Variants in ZEB2 observed in about 807,000 individuals in gnomAD.
ZEB2 encodes zinc finger E-box binding homeobox 2.
Under a neutral mutation model 99.9 loss-of-function variants are expected in ZEB2, and 6 were observed. That is an observed-to-expected ratio of 0.06 (90% confidence interval 0.03 to 0.12). ZEB2 has a LOEUF of 0.12. ZEB2 is among the 10% of genes least tolerant of loss of function. The probability of loss-of-function intolerance (pLI) is 1.00; values close to 1 mark genes in which losing one functional copy is unlikely to be tolerated. For missense variants in ZEB2, 969 were observed against 1,502.8 expected (o/e 0.64, Z 5.87); for synonymous variants, 517 against 542.5 (o/e 0.95, Z 0.65).
rs34246797 is a variant in ZEB2 at position 144,431,745 on chromosome 2, C to CTT, written c.74-1721_74-1720dup. Among the ~76,000 whole-genome samples the CTT allele has an allele frequency of 4.5e-3, 636 of 142,602 alleles. 4 individuals are homozygous for CTT. Among genetic ancestry groups the CTT allele is most frequent in the African/African-American group, 0.011 (423 of 38,710 alleles). 93.6% of individuals were successfully genotyped at this position (142,602 alleles called of 152,430 possible). On this transcript the variant is annotated intron_variant, in intron 2 of 9. Transcript: ENST00000627532. ...CCTTAGTACAATCAATAATGTGCTT[C>CTT]TTTTTTTTTTTCCTGGTGACTGAGA... is the stretch of plus-strand genomic sequence containing the variant.
chr2:144,394,671 G>C (rs1703197660), intron 9 of ZEB2, among the ~76,000 whole-genome samples: 1 of 152,132 alleles, frequency 6.6e-6, no homozygotes, highest in East Asian at 1.9e-4. Flanking sequence ...AAAGCTGTTT[G>C]GATTTAGATT....
rs998152766 is a variant in ZEB2 at position 144,386,228 on chromosome 2, T to C, written c.*3223A>G. The stretch of plus-strand genomic sequence containing the variant: ...GTAGTTGATAAAACAGAAGAACACA[T>C]CTGATGTTACTAAAATGCACATCTC... On this transcript the variant is annotated 3_prime_UTR_variant, in exon 10 of 10. Coordinates refer to ENST00000627532, the MANE Select transcript of ZEB2 (RefSeq NM_014795.4). 1 of 152,148 alleles carries C rather than the reference T, an allele frequency of 6.6e-6. No individual in the cohort carries two copies. The highest frequency in any genetic ancestry group is 1.5e-5 in the Non-Finnish European group (1 of 68,002). 9.4% of individuals were successfully genotyped at this position (152,148 alleles called of 1,614,324 possible). A position where few individuals can be genotyped will look rare whatever the true frequency, so the allele number is the denominator to read the frequency against.
intron 2 of ZEB2, among the ~76,000 whole-genome samples, chr2:144,446,645 C>A (rs1212167893): frequency 6.6e-6 from 1 of 152,070 alleles, no homozygotes; most frequent in Non-Finnish European, 1.5e-5. Context: ...AGTCATTAAT[C>A]AATCTACTCT....
At chr2:144,450,800 C>T (rs10197368) in intron 2 of ZEB2, among the ~76,000 whole-genome samples, 66,670 of 151,982 alleles carry the variant, frequency 0.44, 16,776 homozygotes, top group East Asian at 0.6. Flanking sequence ...CTCAGCTTCC[C>T]GAGTAGCTGG....
At chr2:144,488,809 A>G (rs1704636189) in intron 2 of ZEB2, among the ~76,000 whole-genome samples, 1 of 152,090 alleles carries the variant, frequency 6.6e-6, no homozygotes, top group South Asian at 2.1e-4. Context: ...TAAAGTTTCT[A>G]AAGTGCCTGC....
chr2:144,508,777 T>C (rs1224458774), intron 2 of ZEB2, among the ~76,000 whole-genome samples: 3 of 152,004 alleles, frequency 2.0e-5, no homozygotes, highest in Non-Finnish European at 4.4e-5. Flanking sequence ...TGGCCTCTCA[T>C]AGCTTTTCAA....
chr2:144,451,186 T>C (rs1264631565), intron 2 of ZEB2, among the ~76,000 whole-genome samples: 1 of 152,236 alleles, frequency 6.6e-6, no homozygotes, highest in Non-Finnish European at 1.5e-5. Context: ...AGAGGTCCTA[T>C]AGAAGCTGTT....
intron 2 of ZEB2, among the ~76,000 whole-genome samples, chr2:144,435,513 TG>T (rs1703825477): frequency 6.6e-6 from 1 of 151,484 alleles, no homozygotes; most frequent in Non-Finnish European, 1.5e-5. Flanking sequence ...GTAGGAGGAT[TG>T]TTTGAGTTTG....
At chr2:144,459,883 A>T (rs984997885) in intron 2 of ZEB2, among the ~76,000 whole-genome samples, 2 of 152,178 alleles carry the variant, frequency 1.3e-5, no homozygotes, top group Admixed American at 6.6e-5. Context: ...ATTCTCTCAT[A>T]GAGGAAAACA....
intron 2 of ZEB2, among the ~76,000 whole-genome samples, chr2:144,472,876 C>A (rs553846963): frequency 6.6e-5 from 10 of 152,040 alleles, no homozygotes; most frequent in Non-Finnish European, 1.2e-4. Context: ...TAGGAGGTAG[C>A]TGGATGAAGA....
At chr2:144,483,346 C>T (rs1004904725) in intron 2 of ZEB2, among the ~76,000 whole-genome samples, 1 of 152,170 alleles carries the variant, frequency 6.6e-6, no homozygotes, top group Non-Finnish European at 1.5e-5. Context: ...CTCTGTCTAG[C>T]TCCTACAATT....
intron 4 of ZEB2, among the ~76,000 whole-genome samples, chr2:144,405,602 A>G (rs1274552080): frequency 6.6e-6 from 1 of 151,448 alleles, no homozygotes; most frequent in African/African-American, 2.4e-5. Context: ...ATAATAATGC[A>G]ACTTTGTTAA....
At chr2:144,427,167 T>A (rs1271117029) in intron 3 of ZEB2, 1 of 152,200 alleles carries the variant, frequency 6.6e-6, no homozygotes, top group Admixed American at 6.5e-5. Context: ...AGATGAAGAA[T>A]CCTTGAATAA....
At position 144,384,109 on chromosome 2, in the gene ZEB2, A is replaced by AT. The variant is rs1437523191; in HGVS notation, c.*5341dup. On this transcript the variant is annotated 3_prime_UTR_variant, in exon 10 of 10. Coordinates refer to ENST00000627532, the MANE Select transcript of ZEB2 (RefSeq NM_014795.4). ...TTTGTCATCACTTTAATCTTCATGT[A>AT]TTTTTTACTCATCATTTTCTTTGAC... is the stretch of plus-strand genomic sequence containing the variant. 2 of 152,122 alleles carry AT rather than the reference A, an allele frequency of 1.3e-5. No individual in the cohort carries two copies. The highest frequency in any genetic ancestry group is 2.4e-5 in the African/African-American group (1 of 41,440). The allele number at this position is 152,122 out of a possible 1,614,324, so 9.4% of individuals were successfully genotyped here.
intron 2 of ZEB2, among the ~76,000 whole-genome samples, chr2:144,458,492 G>A (rs1048261615): frequency 6.6e-6 from 1 of 151,902 alleles, no homozygotes; most frequent in African/African-American, 2.4e-5. Context: ...ATTCACCTTG[G>A]AATGATATAG....
rs566356766 is a variant in ZEB2 at position 144,469,371 on chromosome 2, C to T, written c.74-39345G>A. 3.3e-3 allele frequency among the ~76,000 whole-genome samples: 503 copies of T among 152,240 alleles called. 3 individuals are homozygous for T. Among genetic ancestry groups the T allele is most frequent in the African/African-American group, 0.012 (487 of 41,564 alleles). On this transcript the variant is annotated intron_variant, in intron 2 of 9. Transcript: ENST00000627532. ...ACTAACACACTGCCTTCGTAGAGCA[C>T]GCAAAGATGTATCCAGCTTCATTTT...
chr2:144,460,617 A>G (rs1383033918), intron 2 of ZEB2, among the ~76,000 whole-genome samples: 1 of 152,078 alleles, frequency 6.6e-6, no homozygotes, highest in Non-Finnish European at 1.5e-5. Context: ...CACTGAGAGC[A>G]CTGTTTTTTT....
chr2:144,510,718 T>TCTC (rs1705022052), intron 2 of ZEB2, among the ~76,000 whole-genome samples: 1 of 113,940 alleles, frequency 8.8e-6, no homozygotes, highest in South Asian at 3.3e-4. Context: ...CTCTCTCTCT[T>TCTC]TCTCTCTCTC....
At position 144,436,684 on chromosome 2, in the gene ZEB2, G is replaced by T. The variant is rs562089869; in HGVS notation, c.74-6658C>A. On this transcript the variant is annotated intron_variant, in intron 2 of 9. Transcript: ENST00000627532. ...AAAAGGTTCAAATTTCCATACATTT[G>T]TTGAGGTTCTGGATAGGCTCCAACA... Among the ~76,000 whole-genome samples the T allele has an allele frequency of 4.4e-4, 67 of 152,244 alleles. No individual in the cohort carries two copies. The South Asian group carries it at 0.014, about 32-fold the overall frequency.
Sources: gnomAD v4.1 joint callset for allele counts (sites outside exome capture counted in the v4.1 genomes callset) on GRCh38, gnomAD v4.1.1 for gene constraint, MANE v1.5 for transcripts, NCBI Gene and HGNC (gene_info 2026-07-23, HGNC 2026-07-21) for gene names.